The following SNRPC variants were observed in gnomAD, a reference collection of about 807,000 sequenced individuals.
SNRPC encodes the protein small nuclear ribonucleoprotein polypeptide C, also known as U1 small nuclear ribonucleoprotein C.
In SNRPC, 5 loss-of-function variants were observed where a neutral mutation model predicts 20.0. The observed-to-expected ratio is 0.25, with a 90% confidence interval of 0.13 to 0.53. The LOEUF (loss-of-function observed/expected upper bound fraction) is 0.53, where lower values mean the gene tolerates loss of function less well. SNRPC is among the 20% of genes least tolerant of loss of function. The probability of loss-of-function intolerance (pLI) is 0.96; values close to 1 mark genes in which losing one functional copy is unlikely to be tolerated. For missense variants in SNRPC, 112 were observed against 224.1 expected (o/e 0.50, Z 3.19); for synonymous variants, 61 against 58.7 (o/e 1.04, Z -0.18).
chr6:34,770,531 G>C (rs1172079242), intron 5 of SNRPC, 136 bp downstream of exon 5: 1 of 598,378 alleles, frequency 1.7e-6, no homozygotes, highest in African/African-American at 1.9e-5. Flanking sequence ...TCTGAGGGTG[G>C]AATATTTACA....
At chr6:34,762,227 C>T (rs1764546699) in intron 2 of SNRPC, among the ~76,000 whole-genome samples, 1 of 151,886 alleles carries the variant, frequency 6.6e-6, no homozygotes, top group African/African-American at 2.4e-5. Flanking sequence ...TTGCTTGAGC[C>T]CGGATGGTTG....
At position 34,770,326 on chromosome 6, in the gene SNRPC, C is replaced by G; in HGVS notation, c.286C>G (p.His96Asp). ...TCGCCCTGGTATGATGCCAGCACCC[C>G]ATATGGGGGGCCCTCCCATGATGCC... Reference protein sequence around the residue: ...PPRPGMMPAPHMGGPPMMPMM... With the variant: ...PPRPGMMPAPDMGGPPMMPMM... Residue 96 changes from histidine to aspartate, a missense_variant, in exon 5 of 6, where the codon CAT becomes GAT. This residue lies in a region of SNRPC where 57 missense variants were observed against 121.0 expected (regional missense o/e 0.47). Transcript: ENST00000244520. 1 of 1,613,674 alleles carries G rather than the reference C, an allele frequency of 6.2e-7. No individual in the cohort carries two copies. The highest frequency in any genetic ancestry group is 8.5e-7 in the Non-Finnish European group (1 of 1,179,540).
chr6:34,760,030 G>A (rs1260349607), intron 2 of SNRPC, among the ~76,000 whole-genome samples: 1 of 151,500 alleles, frequency 6.6e-6, no homozygotes, highest in Non-Finnish European at 1.5e-5. Context: ...ATGGTCAGAT[G>A]TAGTACAGCA....
chr6:34,768,309 GATGAGCTAATAC>G (rs1213912925), intron 4 of SNRPC, among the ~76,000 whole-genome samples: 3 of 152,150 alleles, frequency 2.0e-5, no homozygotes, highest in Non-Finnish European at 4.4e-5. Flanking sequence ...CCTGTGATTA[GATGAGCTAATAC>G]ATGAATAGGA....
chr6:34,770,751 C>T (rs1318067845), intron 5 of SNRPC, among the ~76,000 whole-genome samples: 1 of 152,136 alleles, frequency 6.6e-6, no homozygotes, highest in Non-Finnish European at 1.5e-5. Flanking sequence ...GCCATTTATA[C>T]TGAAGAGAAG....
chr6:34,759,001 C>G (rs1764494119), intron 2 of SNRPC, among the ~76,000 whole-genome samples: 1 of 115,248 alleles, frequency 8.7e-6, no homozygotes, highest in Non-Finnish European at 1.6e-5. Flanking sequence ...GCCTGGGCGA[C>G]AGAGCGAGAC....
chr6:34,771,280 T>TA (rs749284414), intron 5 of SNRPC, among the ~76,000 whole-genome samples: 20 of 147,330 alleles, frequency 1.4e-4, no homozygotes, highest in Middle Eastern at 3.3e-3. Context: ...AGTGAGCTGA[T>TA]ATTGTGCCAC....
intron 2 of SNRPC, among the ~76,000 whole-genome samples, chr6:34,762,142 A>G (rs1329557445): frequency 6.6e-6 from 1 of 152,138 alleles, no homozygotes; most frequent in Non-Finnish European, 1.5e-5. Flanking sequence ...CATCTCTACA[A>G]AAAATTAAAA....
At chr6:34,762,303 GAA>G (rs111917822) in intron 2 of SNRPC, among the ~76,000 whole-genome samples, 1 of 138,434 alleles carries the variant, frequency 7.2e-6, no homozygotes, top group Non-Finnish European at 1.6e-5. Context: ...GACCCTGTTA[GAA>G]AAAAAAAAAA....
At chr6:34,770,616 AAG>A (rs1488999838) in intron 5 of SNRPC, among the ~76,000 whole-genome samples, 1 of 152,246 alleles carries the variant, frequency 6.6e-6, no homozygotes. Context: ...GATAAAGAAA[AAG>A]AAATACTTGG....
At chr6:34,772,841 T>C (rs1157034574) in intron 5 of SNRPC, 2 of 152,172 alleles carry the variant, frequency 1.3e-5, no homozygotes, top group Non-Finnish European at 2.9e-5. Flanking sequence ...AATTCATTAA[T>C]AGTTTCTGAA....
At chr6:34,759,955 A>G (rs1375476737) in intron 2 of SNRPC, among the ~76,000 whole-genome samples, 2 of 152,152 alleles carry the variant, frequency 1.3e-5, no homozygotes, top group Admixed American at 6.6e-5. Flanking sequence ...CATCTTGAAT[A>G]GTAGCTGGAA....
chr6:34,765,274 C>T (rs1764598161), intron 3 of SNRPC, among the ~76,000 whole-genome samples: 1 of 152,168 alleles, frequency 6.6e-6, no homozygotes, highest in East Asian at 1.9e-4. Flanking sequence ...AAAATATCTC[C>T]AGGCATTGTG....
Position 34,773,699 on chromosome 6 carries a change from G to C in SNRPC, c.*129G>C, listed in dbSNP as rs2127408592. The C allele has an allele frequency of 1.4e-6, 1 of 736,194 alleles. No individual in the cohort carries two copies. The highest frequency in any genetic ancestry group is 2.6e-5 in the East Asian group (1 of 38,006). The allele number at this position is 736,194 out of a possible 1,614,324, so 45.6% of individuals were successfully genotyped here. On this transcript the variant is annotated 3_prime_UTR_variant, in exon 6 of 6. Coordinates refer to ENST00000244520, the MANE Select transcript of SNRPC (RefSeq NM_003093.3). This position sits in a 1 kb window ranked among gnomAD's most constrained non-coding sequence, Gnocchi z 4.1. ...ACTTGCTCCCCTGTCCTATGAAAGA[G>C]AATAGTTTTGGAGGGGAGAAGTGGG...
rs999548945 is a variant in SNRPC, at chr6:34,773,691, A to G, written c.*121A>G. 5 of 781,164 alleles carry G rather than the reference A, an allele frequency of 6.4e-6. No homozygotes were observed. The highest frequency in any genetic ancestry group is 1.7e-5 in the African/African-American group (1 of 58,478). The allele number at this position is 781,164 out of a possible 1,614,324, so 48.4% of individuals were successfully genotyped here. ...TAAGGAAGACTTGCTCCCCTGTCCT[A>G]TGAAAGAGAATAGTTTTGGAGGGGA... is the stretch of plus-strand genomic sequence containing the variant. On this transcript the variant is annotated 3_prime_UTR_variant, in exon 6 of 6. Transcript: ENST00000244520. The surrounding 1 kb of genome is among the most constrained non-coding windows in gnomAD (Gnocchi z 4.1).
intron 2 of SNRPC, among the ~76,000 whole-genome samples, chr6:34,762,258 C>G (rs1465292245): frequency 6.6e-6 from 1 of 150,974 alleles, no homozygotes; most frequent in Non-Finnish European, 1.5e-5. Context: ...GAGCCGAGAT[C>G]GTGCTATTGT....
intron 4 of SNRPC, 26 bp downstream of exon 4, chr6:34,768,023 G>T: frequency 6.3e-7 from 1 of 1,589,986 alleles, no homozygotes; most frequent in Non-Finnish European, 8.6e-7. Flanking sequence ...TAATCTTAAG[G>T]GGTGTGACGG....
intron 3 of SNRPC, among the ~76,000 whole-genome samples, chr6:34,766,970 C>T (rs116169802): frequency 0.013 from 1,956 of 152,166 alleles, 46 homozygotes; most frequent in African/African-American, 0.045. Context: ...TCTTTTCTAA[C>T]ACTAAATATA....
At position 34,773,389 on chromosome 6, in the gene SNRPC, C is replaced by A. The variant is rs1479367317; in HGVS notation, c.356-57C>A. On this transcript the variant is annotated intron_variant, in intron 5 of 5. Transcript: ENST00000244520. This position sits in a 1 kb window ranked among gnomAD's most constrained non-coding sequence, Gnocchi z 4.1. ...TTTAATTGAAGTCCCATCAAACTCTCCCTAAATCGTATTTTCTGACTCCCT... is the reference window on the plus strand; with the variant it reads ...TTTAATTGAAGTCCCATCAAACTCTACCTAAATCGTATTTTCTGACTCCCT... The A allele has an allele frequency of 6.4e-7, 1 of 1,560,618 alleles. No homozygotes were observed. The highest frequency in any genetic ancestry group is 8.8e-7 in the Non-Finnish European group (1 of 1,140,214).
Sources: allele counts gnomAD v4.1 joint callset (sites outside exome capture counted in the v4.1 genomes callset), GRCh38; gene constraint gnomAD v4.1.1; regional missense constraint gnomAD v4.1.1; non-coding constraint Gnocchi (gnomAD v3.1); transcripts MANE v1.5; gene names NCBI Gene and HGNC (gene_info 2026-07-23, HGNC 2026-07-21).